The following SEC14L5 variants were observed in gnomAD, a reference collection of about 807,000 sequenced individuals.
SEC14L5 encodes SEC14 like lipid binding 5, also known as SEC14-like protein 5.
A neutral mutation model predicts 84.6 loss-of-function variants in SEC14L5; 96 were observed. That is an observed-to-expected ratio of 1.13 (90% CI 0.96 to 1.34). SEC14L5 has a LOEUF of 1.34. SEC14L5 is among the 40% of genes most tolerant of loss of function. The pLI is 0.00. For missense variants in SEC14L5, 1,224 were observed against 942.5 expected, an observed-to-expected ratio of 1.30 and a Z score of -3.91; for synonymous variants, 546 against 383.4, an observed-to-expected ratio of 1.42 and a Z score of -4.95.
chr16:4,985,016 C>G (rs1369321443), intron 2 of SEC14L5, among the ~76,000 whole-genome samples: 2 of 152,052 alleles, frequency 1.3e-5, no homozygotes, highest in Non-Finnish European at 2.9e-5. Context: ...TCTGGGTTAC[C>G]TTTTCACTTT....
At chr16:5,007,603 TTTC>T (rs200023942) in intron 13 of SEC14L5, 117 bp downstream of exon 13, 17 of 842,652 alleles carry the variant, frequency 2.0e-5, no homozygotes, top group South Asian at 3.8e-5. Flanking sequence ...TCTTTCTTTC[TTTC>T]TTTTTTTTTT....
At chr16:4,965,013 G>A (rs1242182639) in intron 2 of SEC14L5, among the ~76,000 whole-genome samples, 6 of 152,166 alleles carry the variant, frequency 3.9e-5, no homozygotes, top group Non-Finnish European at 8.8e-5. Context: ...TTACAGGTGT[G>A]AGCCACTGTG....
At position 5,014,951 on chromosome 16, in the gene SEC14L5, G is replaced by C. The variant is rs1042280476; in HGVS notation, c.2072G>C (p.Ser691Thr). The C allele has an allele frequency of 6.2e-7, 1 of 1,611,276 alleles. No homozygotes were observed. ...TCCTCCTCCGGCCAGTCTCATAGCA[G>C]CTCCCTGGTCTCCAGATAGCCGGGC... ...SSSSSGQSHS[S>T]SLVSR The change falls in exon 16 of 16, where the codon AGC becomes ACC. Residue 691 changes from serine (S) to threonine (T), a missense_variant. By Grantham distance (58) the Ser-to-Thr change is moderately conservative (BLOSUM62 1). Coordinates refer to ENST00000251170, the MANE Select transcript of SEC14L5 (RefSeq NM_014692.2).
intron 15 of SEC14L5, among the ~76,000 whole-genome samples, chr16:5,011,700 C>T (rs1248633839): frequency 1.3e-5 from 2 of 152,284 alleles, no homozygotes; most frequent in Middle Eastern, 3.4e-3. Flanking sequence ...TTAAGACCTC[C>T]AGCACTTCCT....
intron 2 of SEC14L5, among the ~76,000 whole-genome samples, chr16:4,969,144 G>T (rs1411698948): frequency 6.6e-6 from 1 of 152,226 alleles, no homozygotes; most frequent in Non-Finnish European, 1.5e-5. Flanking sequence ...TCTGATTTGC[G>T]CTGGGAGAAC....
At chr16:4,999,462 AC>A (rs1422751562) in intron 8 of SEC14L5, among the ~76,000 whole-genome samples, 1 of 151,812 alleles carries the variant, frequency 6.6e-6, no homozygotes, top group African/African-American at 2.4e-5. Flanking sequence ...CACAAAAAAT[AC>A]AAAAAAATTA....
At position 4,996,925 on chromosome 16, in the gene SEC14L5, T is replaced by A. The variant is rs773996374; in HGVS notation, c.851T>A (p.Met284Lys). 8.1e-6 allele frequency: 13 copies of A among 1,613,610 alleles called. No individual in the cohort carries two copies. ...TTCCACCTGGACAAGGCCCGGGAAA[T>A]GCTGCGCCAGTCCTTGAGCTGGCGC... ...HDFHLDKARE[M>K]LRQSLSWRKQ... is the part of the protein sequence containing the mutation. Residue 284 changes from methionine to lysine, a missense_variant, in exon 8 of 16, where the codon ATG (methionine) becomes AAG (lysine). Physicochemically the swap from Met to Lys is moderately conservative, Grantham distance 95 (BLOSUM62 -1). Transcript: ENST00000251170.
Position 4,988,149 on chromosome 16 carries a change from A to T in SEC14L5, c.214A>T (p.Ile72Phe), listed in dbSNP as rs751859099. ...RVDAPRLLRK[I>F]AGVEHVVFVQ... is the part of the protein sequence containing the mutation. ...CGCCTCCCCGCCCCTTCCCTTGCAG[A>T]TCGCAGGTGTTGAGCACGTGGTCTT... Residue 72 changes from isoleucine (I) to phenylalanine (F), a missense_variant and splice_region_variant, in exon 4 of 16, where the codon ATC (isoleucine) becomes TTC (phenylalanine). Physicochemically the swap from Ile to Phe is conservative, Grantham distance 21. Coordinates refer to ENST00000251170, the MANE Select transcript of SEC14L5 (RefSeq NM_014692.2). The T allele has an allele frequency of 2.6e-5, 42 of 1,610,668 alleles. No homozygotes were observed. In the South Asian group the frequency reaches 4.4e-4, roughly 17 times the overall value.
At chr16:4,970,587 C>A (rs886215312) in intron 2 of SEC14L5, among the ~76,000 whole-genome samples, 1 of 152,176 alleles carries the variant, frequency 6.6e-6, no homozygotes. Flanking sequence ...GCTAAGTCAT[C>A]CGCCCTCCCG....
At position 4,966,265 on chromosome 16, in the gene SEC14L5, CT is replaced by C. The variant is rs1389454228; in HGVS notation, c.63+6880del. Among the ~76,000 whole-genome samples the C allele has an allele frequency of 2.3e-4, 32 of 140,122 alleles. 1 individual carries two copies. The highest frequency in any genetic ancestry group is 2.2e-4 in the Admixed American group (3 of 13,580). 91.9% of individuals were successfully genotyped at this position (140,122 alleles called of 152,430 possible). On this transcript the variant is annotated intron_variant, in intron 2 of 15. Coordinates refer to ENST00000251170, the MANE Select transcript of SEC14L5 (RefSeq NM_014692.2). ...ACAGGCGTGACCCACCGCGCCCGGC[CT>C]CTTTTTTTTTTTTTTTTTTTTTTTT...
intron 6 of SEC14L5, among the ~76,000 whole-genome samples, chr16:4,993,219 T>G (rs1005334819): frequency 2.0e-5 from 3 of 152,006 alleles, no homozygotes; most frequent in African/African-American, 7.2e-5. Context: ...TAATTTATTT[T>G]TACTTTTATT....
At chr16:4,961,485 T>TGCCC (rs980323806) in intron 2 of SEC14L5, among the ~76,000 whole-genome samples, 5 of 151,908 alleles carry the variant, frequency 3.3e-5, no homozygotes, top group Admixed American at 3.3e-4. Context: ...CACACCACCA[T>TGCCC]GCCCAGGTAA....
rs567979681 is a variant in SEC14L5, at chr16:5,006,068, A to T, written c.1437+20A>T. 2 of 1,612,532 alleles carry T rather than the reference A, an allele frequency of 1.2e-6. No individual in the cohort carries two copies. Among genetic ancestry groups the T allele is most frequent in the South Asian group, 2.2e-5 (2 of 90,908 alleles). On this transcript the variant is annotated intron_variant, in intron 12 of 15. Coordinates refer to ENST00000251170, the MANE Select transcript of SEC14L5 (RefSeq NM_014692.2). ...AGTGTGGTGAGGCTTCCATGTCCACAGACAGACCTGGGCTTGAGGAGGGGG... is the reference window on the plus strand; with the variant it reads ...AGTGTGGTGAGGCTTCCATGTCCACTGACAGACCTGGGCTTGAGGAGGGGG...
intron 6 of SEC14L5, among the ~76,000 whole-genome samples, chr16:4,993,611 T>C (rs1955575494): frequency 6.6e-6 from 1 of 152,212 alleles, no homozygotes; most frequent in Non-Finnish European, 1.5e-5. Flanking sequence ...GTCGTTTCAG[T>C]TTTTAAAAAT....
chr16:4,994,869 C>T (rs140013149), intron 6 of SEC14L5, among the ~76,000 whole-genome samples: 4 of 152,222 alleles, frequency 2.6e-5, no homozygotes, highest in East Asian at 1.9e-4. Context: ...CTGCCCTCTC[C>T]TGAATCACTG....
At chr16:4,990,641 G>T in intron 4 of SEC14L5, 126 bp from the exon 5 acceptor site, 1 of 894,432 alleles carries the variant, frequency 1.1e-6, no homozygotes, top group Non-Finnish European at 1.6e-6. Flanking sequence ...CCCCATCCAG[G>T]GTTGCCAGGC....
Position 5,008,663 on chromosome 16 carries a change from G to T in SEC14L5, c.1800+15G>T. The T allele has an allele frequency of 1.2e-6, 2 of 1,601,766 alleles. No individual in the cohort carries two copies. Among genetic ancestry groups the T allele is most frequent in the Non-Finnish European group, 8.5e-7 (1 of 1,173,228 alleles). Reference sequence around the variant, plus strand: ...AGAGCATCCAGGTTTGCATTTTCTGGACCACTCATTCGCTCACCAAGCAGC... The same window carrying T: ...AGAGCATCCAGGTTTGCATTTTCTGTACCACTCATTCGCTCACCAAGCAGC... On this transcript the variant is annotated intron_variant, in intron 14 of 15. Coordinates refer to ENST00000251170, the MANE Select transcript of SEC14L5 (RefSeq NM_014692.2).
At chr16:4,979,506 T>C (rs1049682755) in intron 2 of SEC14L5, among the ~76,000 whole-genome samples, 2 of 152,206 alleles carry the variant, frequency 1.3e-5, no homozygotes, top group African/African-American at 2.4e-5. Flanking sequence ...ATTACTGCAA[T>C]GATGGTTAGG....
intron 2 of SEC14L5, among the ~76,000 whole-genome samples, chr16:4,980,792 C>T (rs981946513): frequency 1.5e-4 from 23 of 152,128 alleles, no homozygotes; most frequent in African/African-American, 5.6e-4. Flanking sequence ...GAAGAAGGAC[C>T]AGCATGGATG....
Sources: gnomAD v4.1 joint callset for allele counts (sites outside exome capture counted in the v4.1 genomes callset) on GRCh38, gnomAD v4.1.1 for gene constraint, MANE v1.5 for transcripts, NCBI Gene and HGNC (gene_info 2026-07-23, HGNC 2026-07-21) for gene names.